VAT1L: variants seen among roughly 807,000 people sequenced by gnomAD.
VAT1L encodes the protein putative NADPH-dependent quinone oxidoreductase VAT1L.
Under a neutral mutation model 44.1 loss-of-function variants are expected in VAT1L, and 34 were observed. That is an observed-to-expected ratio of 0.77 (90% CI 0.59 to 1.03). VAT1L has a LOEUF of 1.03. Among genes scored for constraint, VAT1L ranks in the 50% least tolerant of loss-of-function variants. VAT1L has a pLI of 0.00. For missense variants in VAT1L, 615 were observed against 538.8 expected (o/e 1.14, Z -1.40); for synonymous variants, 253 against 202.2 (o/e 1.25, Z -2.13).
chr16:77,852,158 T>C (rs2016814533), intron 3 of VAT1L, among the ~76,000 whole-genome samples: 1 of 152,206 alleles, frequency 6.6e-6, no homozygotes, highest in East Asian at 1.9e-4. Context: ...AAAACTGTGC[T>C]GGCTTGACCC....
At chr16:77,936,408 T>C (rs1166051766) in intron 7 of VAT1L, among the ~76,000 whole-genome samples, 1 of 152,078 alleles carries the variant, frequency 6.6e-6, no homozygotes, top group African/African-American at 2.4e-5. Context: ...AGGCAGCCCT[T>C]TCTGCCTCAT....
intron 1 of VAT1L, among the ~76,000 whole-genome samples, chr16:77,798,367 G>C (rs2015976244): frequency 6.6e-6 from 1 of 152,200 alleles, no homozygotes; most frequent in Non-Finnish European, 1.5e-5. Flanking sequence ...AACAATTTTA[G>C]CAACCTGTAT....
chr16:77,844,521 C>A (rs568252097), intron 3 of VAT1L, among the ~76,000 whole-genome samples: 1 of 152,146 alleles, frequency 6.6e-6, no homozygotes, highest in Admixed American at 6.5e-5. Context: ...TGATTCTCCC[C>A]CCTTAGCCTC....
At chr16:77,798,317 T>C (rs2015975525) in intron 1 of VAT1L, among the ~76,000 whole-genome samples, 1 of 152,264 alleles carries the variant, frequency 6.6e-6, no homozygotes, top group Non-Finnish European at 1.5e-5. Flanking sequence ...AAGTAGTTAA[T>C]GTGTGAACTA....
At chr16:77,911,717 C>T (rs1247270853) in intron 7 of VAT1L, among the ~76,000 whole-genome samples, 2 of 152,004 alleles carry the variant, frequency 1.3e-5, no homozygotes, top group African/African-American at 2.4e-5. Flanking sequence ...TGGGTCCACA[C>T]GAGTGTACAC....
intron 7 of VAT1L, among the ~76,000 whole-genome samples, chr16:77,951,169 A>G (rs1003649959): frequency 1.6e-4 from 25 of 152,332 alleles, no homozygotes; most frequent in African/African-American, 2.9e-4. Context: ...ACGGTATGCA[A>G]CTCCACAAAG....
At chr16:77,795,938 G>C (rs1298850329) in intron 1 of VAT1L, among the ~76,000 whole-genome samples, 1 of 146,772 alleles carries the variant, frequency 6.8e-6, no homozygotes, top group African/African-American at 2.5e-5. Flanking sequence ...CGATTCTCCT[G>C]CCTCAGCCTC....
At chr16:77,955,016 A>T (rs1310001142) in intron 7 of VAT1L, among the ~76,000 whole-genome samples, 3 of 152,182 alleles carry the variant, frequency 2.0e-5, no homozygotes, top group Non-Finnish European at 4.4e-5. Flanking sequence ...GAGTGTTTTG[A>T]AATCAGAGAC....
At chr16:77,915,548 G>C (rs2017543186) in intron 7 of VAT1L, among the ~76,000 whole-genome samples, 1 of 151,970 alleles carries the variant, frequency 6.6e-6, no homozygotes, top group South Asian at 2.1e-4. Context: ...ACCTATTTGT[G>C]AGTCACCAAG....
At chr16:77,916,266 TC>T (rs1017232693) in intron 7 of VAT1L, among the ~76,000 whole-genome samples, 1 of 152,068 alleles carries the variant, frequency 6.6e-6, no homozygotes, top group Admixed American at 6.6e-5. Flanking sequence ...CAAAGAAGTG[TC>T]CTTGGAAATG....
chr16:77,850,770 C>A (rs2016801227), intron 3 of VAT1L, among the ~76,000 whole-genome samples: 1 of 152,160 alleles, frequency 6.6e-6, no homozygotes, highest in Admixed American at 6.5e-5. Context: ...CAAATACAGT[C>A]ATCCAGGAAA....
At chr16:77,870,411 C>T (rs1382494417) in intron 4 of VAT1L, among the ~76,000 whole-genome samples, 4 of 152,190 alleles carry the variant, frequency 2.6e-5, no homozygotes, top group African/African-American at 9.6e-5. Context: ...AGCAAAGTCA[C>T]CATAAAGAGG....
chr16:77,877,512 CAAAAAAAAAAAAAAA>C (rs55704400), intron 5 of VAT1L, among the ~76,000 whole-genome samples: 5 of 86,802 alleles, frequency 5.8e-5, no homozygotes, highest in Non-Finnish European at 1.2e-4. Flanking sequence ...GACTCTGTCT[CAAAAAAAAAAAAAAA>C]AAAAAAAAAA....
Position 77,799,503 on chromosome 16 carries a change from TG to T in VAT1L, c.233+10590del, listed in dbSNP as rs2016003439. ...TGTCTGACAGCCCCACTGGAATACA[TG>T]GTGTGTGTGTGTGTGTGTGTGTGTG... On this transcript the variant is annotated intron_variant, in intron 1 of 8. Transcript: ENST00000302536. Among the ~76,000 whole-genome samples, 3 of 117,348 alleles carry T rather than the reference TG, an allele frequency of 2.6e-5. No homozygotes were observed. In the South Asian group the frequency reaches 9.9e-4, roughly 39 times the overall value. The allele number at this position is 117,348 out of a possible 152,430, so 77.0% of individuals were successfully genotyped here.
chr16:77,853,548 T>G (rs1242487325), intron 3 of VAT1L, among the ~76,000 whole-genome samples: 1 of 152,176 alleles, frequency 6.6e-6, no homozygotes, highest in Non-Finnish European at 1.5e-5. Context: ...ACAGGGAATG[T>G]GCCAGTGATT....
chr16:77,876,715 G>T (rs2017091113), intron 5 of VAT1L, among the ~76,000 whole-genome samples: 1 of 152,242 alleles, frequency 6.6e-6, no homozygotes, highest in African/African-American at 2.4e-5. Context: ...AAGCCAATGT[G>T]GTCATTGATA....
At chr16:77,825,220 C>G (rs918070856) in intron 2 of VAT1L, 26 bp from the exon 3 acceptor site, 2 of 1,613,288 alleles carry the variant, frequency 1.2e-6, no homozygotes, top group Admixed American at 1.7e-5. Flanking sequence ...GTAGCCTCCA[C>G]TAACTCTGTG....
chr16:77,882,900 A>G (rs918187116), intron 6 of VAT1L, among the ~76,000 whole-genome samples: 12 of 152,216 alleles, frequency 7.9e-5, no homozygotes, highest in African/African-American at 2.9e-4. Flanking sequence ...CATCTGTGCC[A>G]CAAACCCTTG....
chr16:77,963,521 C>T (rs999341340), intron 7 of VAT1L, among the ~76,000 whole-genome samples: 6 of 152,050 alleles, frequency 3.9e-5, no homozygotes, highest in Non-Finnish European at 8.8e-5. Context: ...ACCTCCAGAA[C>T]GGTAAGATAA....
Sources: gnomAD v4.1 joint callset for allele counts (sites outside exome capture counted in the v4.1 genomes callset) on GRCh38, gnomAD v4.1.1 for gene constraint, MANE v1.5 for transcripts, NCBI Gene and HGNC (gene_info 2026-07-23, HGNC 2026-07-21) for gene names.